The following ZNF516 variants were observed in gnomAD, a reference collection of about 807,000 sequenced individuals.
The protein encoded by ZNF516 is zinc finger protein 516.
Under a neutral mutation model 79.7 loss-of-function variants are expected in ZNF516, and 19 were observed. The observed-to-expected ratio is 0.24, with a 90% CI of 0.17 to 0.35. The LOEUF (loss-of-function observed/expected upper bound fraction) is 0.35. Among genes scored for constraint, ZNF516 ranks in the 10% least tolerant of loss-of-function variants. The pLI, the probability that ZNF516 is intolerant of heterozygous loss-of-function variation, is 1.00. For missense variants in ZNF516, 1,678 were observed against 1,679.5 expected, an observed-to-expected ratio of 1.00 and a Z score of 0.02; for synonymous variants, 877 against 739.5, an observed-to-expected ratio of 1.19 and a Z score of -3.02.
At chr18:76,450,681 G>A (rs1444068823) in intron 2 of ZNF516, among the ~76,000 whole-genome samples, 3 of 152,072 alleles carry the variant, frequency 2.0e-5, no homozygotes, top group African/African-American at 7.2e-5. Context: ...ATCCTTCCCA[G>A]CACTTGACGA....
In ZNF516 at chr18:76,379,286, G is replaced by A. The variant is rs61733593; in HGVS notation, c.2828C>T (p.Pro943Leu). 0.013 allele frequency: 21,490 copies of A among 1,611,130 alleles called. 209 individuals carry two copies. Among genetic ancestry groups the A allele is most frequent in the African/African-American group, 0.027 (2,006 of 74,956 alleles). Residue 943 changes from proline to leucine, a missense_variant, in exon 4 of 7, where the codon CCC becomes CTC. Pro to Leu is a moderately conservative substitution (Grantham distance 98). Transcript: ENST00000443185. Reference protein sequence around the residue: ...PTVIARAGAQPSANSKPVEKF... With the variant: ...PTVIARAGAQLSANSKPVEKF... Reference sequence around the variant, plus strand: ...CTCCACAGGCTTGCTATTGGCCGAGGGCTGCGCGCCAGCCCGGGCGATGAC... The same window carrying A: ...CTCCACAGGCTTGCTATTGGCCGAGAGCTGCGCGCCAGCCCGGGCGATGAC...
chr18:76,417,627 A>G (rs1284456581), intron 3 of ZNF516, among the ~76,000 whole-genome samples: 1 of 152,238 alleles, frequency 6.6e-6, no homozygotes, highest in Non-Finnish European at 1.5e-5. Context: ...GAAGTAATAA[A>G]ACTTCAAAGG....
chr18:76,492,226 T>G, intron 1 of ZNF516: 4 of 985,404 alleles, frequency 4.1e-6, no homozygotes, highest in Non-Finnish European at 4.8e-6. Flanking sequence ...CTCCAACATT[T>G]ACACGGAGAT....
intron 2 of ZNF516, among the ~76,000 whole-genome samples, chr18:76,461,407 T>C (rs1205156068): frequency 6.6e-6 from 1 of 152,162 alleles, no homozygotes; most frequent in African/African-American, 2.4e-5. Context: ...CCCCACCCTC[T>C]GCTGCCTCCC....
intron 2 of ZNF516, among the ~76,000 whole-genome samples, chr18:76,450,674 C>T (rs537595882): frequency 6.6e-6 from 1 of 152,274 alleles, no homozygotes; most frequent in African/African-American, 2.4e-5. Context: ...CCTAACTATC[C>T]TTCCCAGCAC....
intron 6 of ZNF516, among the ~76,000 whole-genome samples, chr18:76,365,636 T>C (rs1438209762): frequency 1.3e-5 from 2 of 152,246 alleles, no homozygotes; most frequent in African/African-American, 4.8e-5. Context: ...TTCCCTCATT[T>C]AGAATTTGAT....
chr18:76,455,352 C>A (rs1384805608), intron 2 of ZNF516, among the ~76,000 whole-genome samples: 1 of 152,220 alleles, frequency 6.6e-6, no homozygotes, highest in Non-Finnish European at 1.5e-5. Context: ...CCTACCCCAA[C>A]CTGGAGGCAC....
chr18:76,496,143 G>T (rs1191997001), upstream of ZNF516: 2 of 592,456 alleles, frequency 3.4e-6, no homozygotes, highest in African/African-American at 3.9e-5. Context: ...GCCGGGGTGG[G>T]GGAGGGGAGG....
intron 1 of ZNF516, among the ~76,000 whole-genome samples, chr18:76,489,723 G>A (rs1270886926): frequency 6.6e-6 from 1 of 151,976 alleles, no homozygotes; most frequent in Non-Finnish European, 1.5e-5. Flanking sequence ...CTATTCTCAG[G>A]GTGTCAACAA....
intron 1 of ZNF516, among the ~76,000 whole-genome samples, chr18:76,480,765 G>A (rs545753508): frequency 1.5e-4 from 23 of 152,044 alleles, no homozygotes; most frequent in Admixed American, 2.6e-4. Context: ...CAAGTGATCC[G>A]CCCACCTCGG....
intron 1 of ZNF516, among the ~76,000 whole-genome samples, chr18:76,471,416 T>G (rs1411576069): frequency 6.6e-6 from 1 of 152,210 alleles, no homozygotes; most frequent in Non-Finnish European, 1.5e-5. Flanking sequence ...CAACTCTCAT[T>G]TCTCTGGTCA....
Position 76,413,570 on chromosome 18 carries a change from A to G in ZNF516, c.1810+27675T>C, listed in dbSNP as rs2075397420. ...TAAAGTACATTTTTTGTTTCAAAAAAAAAATTATGTCATGACTGGTTCAAT... is the reference window on the plus strand; with the variant it reads ...TAAAGTACATTTTTTGTTTCAAAAAGAAAATTATGTCATGACTGGTTCAAT... On this transcript the variant is annotated intron_variant, in intron 3 of 6. Transcript: ENST00000443185. 2.0e-5 allele frequency among the ~76,000 whole-genome samples: 3 copies of G among 152,240 alleles called. No homozygotes were observed. In the South Asian group the frequency reaches 6.2e-4, roughly 32 times the overall value.
Position 76,379,366 on chromosome 18 carries a change from C to T in ZNF516, c.2748G>A (p.Pro916=), listed in dbSNP as rs779664274. 3.8e-6 allele frequency: 6 copies of T among 1,594,132 alleles called. No individual in the cohort carries two copies. Among genetic ancestry groups the T allele is most frequent in the East Asian group, 2.2e-5 (1 of 44,656 alleles). ...AGCCCCCGCCACCCGGGGCAGGCAC[C>T]GGTTTGGAGCTAGCCTCCTGCCTGG... ...AKPRQEASSK[P]VPAPGGGGFS... Residue 916 remains proline, a synonymous_variant, in exon 4 of 7, where the codon CCG becomes CCA. Coordinates refer to ENST00000443185, the MANE Select transcript of ZNF516 (RefSeq NM_014643.4).
chr18:76,411,508 A>G (rs1026100729), intron 3 of ZNF516, among the ~76,000 whole-genome samples: 18 of 152,246 alleles, frequency 1.2e-4, no homozygotes, highest in Admixed American at 1.2e-3. Context: ...ACAAGACACT[A>G]TTCCATGGCA....
At chr18:76,405,499 G>A (rs1465860278) in intron 3 of ZNF516, among the ~76,000 whole-genome samples, 2 of 152,174 alleles carry the variant, frequency 1.3e-5, no homozygotes, top group African/African-American at 2.4e-5. Context: ...CAGCCAGCAG[G>A]CAGCAGGCCC....
chr18:76,360,855 A>T lies in ZNF516; in HGVS notation c.*1643T>A, dbSNP rs566825248. 1.3e-5 allele frequency: 2 copies of T among 149,886 alleles called. No homozygotes were observed. 9.3% of individuals were successfully genotyped at this position (149,886 alleles called of 1,614,324 possible). ...ATTCAACAAATCATTAGAACAGGAA[A>T]CCCACACTTTAGGGTGTGTGTGTGT... On this transcript the variant is annotated 3_prime_UTR_variant, in exon 7 of 7. Transcript: ENST00000443185.
chr18:76,441,119 G>A (rs1358527511), intron 3 of ZNF516, 126 bp downstream of exon 3: 12 of 1,357,104 alleles, frequency 8.8e-6, no homozygotes, highest in African/African-American at 1.5e-5. Context: ...CATAGGCCTA[G>A]CTGAGTAAAG....
At chr18:76,458,342 G>A (rs1055254067) in intron 2 of ZNF516, among the ~76,000 whole-genome samples, 2 of 152,142 alleles carry the variant, frequency 1.3e-5, no homozygotes, top group Non-Finnish European at 2.9e-5. Context: ...AATTCCTGAC[G>A]GGCCCAAGTC....
chr18:76,387,479 G>A (rs2075011108), intron 3 of ZNF516: 3 of 152,134 alleles, frequency 2.0e-5, no homozygotes, highest in Non-Finnish European at 2.9e-5. Context: ...GTGTGTCGTG[G>A]TAGGTTTATA....
Sources: allele counts gnomAD v4.1 joint callset (sites outside exome capture counted in the v4.1 genomes callset), GRCh38; gene constraint gnomAD v4.1.1; transcripts MANE v1.5; gene names NCBI Gene and HGNC (gene_info 2026-07-23, HGNC 2026-07-21).